Variants in LDB2 observed in about 807,000 individuals in gnomAD.
The protein encoded by LDB2 is LIM domain-binding protein 2.
In LDB2, 12 loss-of-function variants were observed where a neutral mutation model predicts 44.3. That is an observed-to-expected ratio of 0.27 (90% CI 0.17 to 0.44). The LOEUF is 0.44. Among genes scored for constraint, LDB2 ranks in the 20% least tolerant of loss-of-function variants. LDB2 has a pLI of 1.00. For synonymous variants in LDB2, 164 were observed against 174.8 expected (o/e 0.94, Z 0.49); for missense variants, 344 against 473.5 (o/e 0.73, Z 2.54).
intron 2 of LDB2, among the ~76,000 whole-genome samples, chr4:16,649,347 G>C (rs945080767): frequency 3.9e-5 from 6 of 152,022 alleles, no homozygotes; most frequent in African/African-American, 1.4e-4. Context: ...CTACTATATT[G>C]TAAACATTTC....
intron 1 of LDB2, among the ~76,000 whole-genome samples, chr4:16,824,187 A>T (rs1292156223): frequency 6.6e-6 from 1 of 152,226 alleles, no homozygotes; most frequent in Non-Finnish European, 1.5e-5. Context: ...TGAAAAATTA[A>T]TAAGAGTTAT....
At chr4:16,753,211 A>G (rs2109127528) in intron 2 of LDB2, among the ~76,000 whole-genome samples, 1 of 152,354 alleles carries the variant, frequency 6.6e-6, no homozygotes, top group Non-Finnish European at 1.5e-5. Flanking sequence ...CATATTACCA[A>G]GGAGTGATTT....
At chr4:16,777,490 TG>T (rs1772199037) in intron 1 of LDB2, among the ~76,000 whole-genome samples, 1 of 152,004 alleles carries the variant, frequency 6.6e-6, no homozygotes, top group South Asian at 2.1e-4. Context: ...AAGATGAAGC[TG>T]GGGAAGCGCC....
chr4:16,654,774 A>G (rs1255048251), intron 2 of LDB2, among the ~76,000 whole-genome samples: 3 of 152,244 alleles, frequency 2.0e-5, no homozygotes, highest in East Asian at 3.8e-4. Context: ...TGTTAAGTCT[A>G]TAACTTCCTC....
At chr4:16,673,912 A>G (rs1745570900) in intron 2 of LDB2, among the ~76,000 whole-genome samples, 1 of 152,174 alleles carries the variant, frequency 6.6e-6, no homozygotes, top group Admixed American at 6.5e-5. Context: ...CCTCTTTTAC[A>G]TTTCTTCTCC....
intron 1 of LDB2, among the ~76,000 whole-genome samples, chr4:16,883,658 C>A (rs1351748427): frequency 3.3e-5 from 5 of 152,190 alleles, no homozygotes; most frequent in African/African-American, 1.2e-4. Context: ...TTTTTCTCTT[C>A]CCCATGCAGC....
At position 16,628,044 on chromosome 4, in the gene LDB2, A is replaced by G. The variant is rs766457881; in HGVS notation, c.236-32169T>C. Among the ~76,000 whole-genome samples, 7 of 152,138 alleles carry G rather than the reference A, an allele frequency of 4.6e-5. No individual in the cohort carries two copies. In the South Asian group the frequency reaches 6.2e-4, roughly 14 times the overall value. On this transcript the variant is annotated intron_variant, in intron 2 of 7. Coordinates refer to ENST00000304523, the MANE Select transcript of LDB2 (RefSeq NM_001290.5). The stretch of plus-strand genomic sequence containing the variant: ...CTCTGATTCCATGTGGCCAATTCCA[A>G]CCACTCATCAGTGAGCCAGGATGTC...
At chr4:16,863,375 G>C (rs974011090) in intron 1 of LDB2, among the ~76,000 whole-genome samples, 1 of 152,142 alleles carries the variant, frequency 6.6e-6, no homozygotes, top group Admixed American at 6.5e-5. Flanking sequence ...TCAGGTATTT[G>C]TATTAGGTGA....
intron 1 of LDB2, among the ~76,000 whole-genome samples, chr4:16,859,595 G>A (rs773766377): frequency 2.6e-5 from 4 of 152,062 alleles, no homozygotes; most frequent in African/African-American, 9.7e-5. Flanking sequence ...CTATGCTTTC[G>A]GATTCTTTAA....
chr4:16,551,091 G>C (rs1431246120), intron 5 of LDB2, among the ~76,000 whole-genome samples: 1 of 152,148 alleles, frequency 6.6e-6, no homozygotes, highest in Admixed American at 6.5e-5. Context: ...ATGTATACAT[G>C]CATAATTATG....
At chr4:16,790,447 C>T (rs1183019895) in intron 1 of LDB2, among the ~76,000 whole-genome samples, 4 of 151,994 alleles carry the variant, frequency 2.6e-5, no homozygotes, top group African/African-American at 4.8e-5. Context: ...AGCAATGCAG[C>T]ATGAGTAGAG....
At chr4:16,816,068 T>A (rs1780826689) in intron 1 of LDB2, among the ~76,000 whole-genome samples, 1 of 151,892 alleles carries the variant, frequency 6.6e-6, no homozygotes, top group Admixed American at 6.6e-5. Context: ...ATTAGCCAGG[T>A]GTGGTGGTGG....
At chr4:16,613,613 T>G (rs1177361576) in intron 2 of LDB2, among the ~76,000 whole-genome samples, 9 of 152,006 alleles carry the variant, frequency 5.9e-5, no homozygotes, top group African/African-American at 2.2e-4. Context: ...AAGCATTCCT[T>G]TACACCAACA....
At chr4:16,741,785 T>G (rs551741383) in intron 2 of LDB2, among the ~76,000 whole-genome samples, 2 of 152,316 alleles carry the variant, frequency 1.3e-5, no homozygotes, top group Non-Finnish European at 2.9e-5. Flanking sequence ...TATAGTTTGC[T>G]CAAAGCACTT....
At chr4:16,885,159 A>AG (rs1721289604) in intron 1 of LDB2, among the ~76,000 whole-genome samples, 1 of 150,110 alleles carries the variant, frequency 6.7e-6, no homozygotes, top group Admixed American at 6.6e-5. Flanking sequence ...ACTTCTAAAA[A>AG]AAAAAAAAAA....
intron 1 of LDB2, among the ~76,000 whole-genome samples, chr4:16,888,146 G>C (rs1722296266): frequency 6.6e-6 from 1 of 152,202 alleles, no homozygotes; most frequent in Non-Finnish European, 1.5e-5. Flanking sequence ...GTCTGTGCTG[G>C]GCTGCATATT....
In LDB2 at chr4:16,748,475, T is replaced by C. The variant is rs113597124; in HGVS notation, c.235+10683A>G. On this transcript the variant is annotated intron_variant, in intron 2 of 7. Coordinates refer to ENST00000304523, the MANE Select transcript of LDB2 (RefSeq NM_001290.5). ...TAAAACATACCCTGATGGGTAATTTTGTCATGGAGCCTCTACATTCTTAAT... is the reference window on the plus strand; with the variant it reads ...TAAAACATACCCTGATGGGTAATTTCGTCATGGAGCCTCTACATTCTTAAT... Among the ~76,000 whole-genome samples the C allele has an allele frequency of 6.4e-3, 968 of 152,354 alleles. 6 individuals carry two copies. The highest frequency in any genetic ancestry group is 9.5e-3 in the Non-Finnish European group (645 of 68,024).
intron 5 of LDB2, among the ~76,000 whole-genome samples, chr4:16,523,630 G>A (rs1200792858): frequency 1.3e-5 from 2 of 152,056 alleles, no homozygotes; most frequent in Non-Finnish European, 2.9e-5. Flanking sequence ...GCTACTCAGG[G>A]ACTAATGGGT....
intron 1 of LDB2, among the ~76,000 whole-genome samples, chr4:16,877,336 C>T (rs1447784327): frequency 6.6e-6 from 1 of 152,160 alleles, no homozygotes; most frequent in Non-Finnish European, 1.5e-5. Context: ...TAAACACATG[C>T]TTTCTAGGGA....
Sources: gnomAD v4.1 joint callset for allele counts (sites outside exome capture counted in the v4.1 genomes callset) on GRCh38, gnomAD v4.1.1 for gene constraint, MANE v1.5 for transcripts, NCBI Gene and HGNC (gene_info 2026-07-23, HGNC 2026-07-21) for gene names.